Variants in EML6 observed in about 807,000 individuals in gnomAD.
EML6 encodes echinoderm microtubule-associated protein-like 6.
Under a neutral mutation model 240.1 loss-of-function variants are expected in EML6, and 154 were observed. The ratio of observed to expected loss-of-function variants is 0.64; its 90% CI spans 0.56 to 0.73. The LOEUF (loss-of-function observed/expected upper bound fraction) is 0.73, where lower values mean the gene tolerates loss of function less well. EML6 is among the 30% of genes least tolerant of loss of function. The probability of loss-of-function intolerance (pLI) is 0.00; values close to 1 mark genes in which losing one functional copy is unlikely to be tolerated. For synonymous variants in EML6, 1,148 were observed against 899.0 expected (o/e 1.28, Z -4.95); for missense variants, 2,964 against 2,474.6 (o/e 1.20, Z -4.20).
chr2:54,928,203 A>G, intron 26 of EML6, 110 bp from the exon 27 acceptor site: 1 of 852,924 alleles, frequency 1.2e-6, no homozygotes, highest in Non-Finnish European at 1.9e-6. Context: ...AAATGTAGGA[A>G]ATTGCTGTTG....
At chr2:54,888,755 C>T (rs1469578121) in intron 17 of EML6, among the ~76,000 whole-genome samples, 2 of 152,144 alleles carry the variant, frequency 1.3e-5, no homozygotes, top group East Asian at 3.8e-4. Context: ...AGTTTGTTTA[C>T]CCATTCACCT....
At chr2:54,858,585 G>C (rs538089991) in intron 11 of EML6, among the ~76,000 whole-genome samples, 9 of 152,148 alleles carry the variant, frequency 5.9e-5, no homozygotes, top group Non-Finnish European at 1.3e-4. Context: ...AGGCAAGTTT[G>C]CTTTTGAGAC....
intron 2 of EML6, among the ~76,000 whole-genome samples, chr2:54,789,533 AAAAAAAAAAAAAAAAG>A: frequency 6.9e-6 from 1 of 144,056 alleles, no homozygotes; most frequent in African/African-American, 2.5e-5. Flanking sequence ...AAAAAAAAAA[AAAAAAAAAAAAAAAAG>A]AAAAAGAATG....
At chr2:54,930,226 T>C (rs928823943) in intron 28 of EML6, among the ~76,000 whole-genome samples, 2 of 152,214 alleles carry the variant, frequency 1.3e-5, no homozygotes, top group African/African-American at 4.8e-5. Flanking sequence ...CTGAGATTCA[T>C]GCTAGCCACC....
At position 54,933,293 on chromosome 2, in the gene EML6, C is replaced by T. The variant is rs567476729; in HGVS notation, c.4004+4542C>T. 7.5e-4 allele frequency among the ~76,000 whole-genome samples: 114 copies of T among 152,284 alleles called. No homozygotes were observed. In the Middle Eastern group the frequency reaches 0.017, roughly 23 times the overall value. ...CTCTTACCTTGGAAATAGTCACCTG[C>T]CACCATAGACTAGCAATGTAATCAC... is the stretch of plus-strand genomic sequence containing the variant. On this transcript the variant is annotated intron_variant, in intron 28 of 41. Coordinates refer to ENST00000356458, the MANE Select transcript of EML6 (RefSeq NM_001039753.4).
chr2:54,968,527 G>A, intron 40 of EML6, 141 bp from the exon 41 acceptor site: 2 of 674,476 alleles, frequency 3.0e-6, no homozygotes, highest in Non-Finnish European at 5.2e-6. Context: ...CCAAAGGCTG[G>A]CTAATAGATG....
chr2:54,829,244 T>G, intron 6 of EML6, 98 bp from the exon 7 acceptor site: 1 of 1,225,872 alleles, frequency 8.2e-7, no homozygotes, highest in Non-Finnish European at 1.1e-6. Context: ...TTTATTTTTG[T>G]TTTTGACTTG....
chr2:54,935,358 G>A lies in EML6; in HGVS notation c.4004+6607G>A, dbSNP rs371553555. ...TCTCCTTTAATTGTTCTTTCTAATG[G>A]AAAGTGGTGATTATCACAGAAAAGA... On this transcript the variant is annotated intron_variant, in intron 28 of 41. Coordinates refer to ENST00000356458, the MANE Select transcript of EML6 (RefSeq NM_001039753.4). Among the ~76,000 whole-genome samples, 5 of 152,170 alleles carry A rather than the reference G, an allele frequency of 3.3e-5. No individual in the cohort carries two copies. The East Asian group carries it at 5.8e-4, about 18-fold the overall frequency.
intron 5 of EML6, among the ~76,000 whole-genome samples, chr2:54,822,287 A>AG (rs1460914290): frequency 2.0e-5 from 3 of 152,202 alleles, no homozygotes; most frequent in African/African-American, 7.2e-5. Context: ...TTGCTGGTAG[A>AG]GAGGGGTAAG....
At chr2:54,851,131 A>T (rs1250631081) in intron 10 of EML6, among the ~76,000 whole-genome samples, 1 of 152,194 alleles carries the variant, frequency 6.6e-6, no homozygotes, top group African/African-American at 2.4e-5. Flanking sequence ...CAATGAGGCC[A>T]GGCATGGTGG....
In EML6 at chr2:54,960,314, C is replaced by T. The variant is rs954584390; in HGVS notation, c.4948C>T (p.Arg1650Cys). ...LETGQLVECV[R>C]SVCRGKGKIL... is the part of the protein sequence containing the mutation. The stretch of plus-strand genomic sequence containing the variant: ...GACCGGGCAGCTGGTGGAGTGTGTG[C>T]GCTCCGTGTGCCGTGGAAAAGTGAG... The change falls in exon 35 of 42, where the codon CGC becomes TGC. Residue 1650 changes from arginine to cysteine, a missense_variant. Coordinates refer to ENST00000356458, the MANE Select transcript of EML6 (RefSeq NM_001039753.4). 11 of 1,550,518 alleles carry T rather than the reference C, an allele frequency of 7.1e-6. No homozygotes were observed. The highest frequency in any genetic ancestry group is 4.9e-5 in the East Asian group (2 of 40,910).
chr2:54,924,768 G>A (rs1323531962), intron 26 of EML6, among the ~76,000 whole-genome samples: 2 of 151,984 alleles, frequency 1.3e-5, no homozygotes, highest in Non-Finnish European at 2.9e-5. Context: ...TCGCCGTGTT[G>A]GCCAGACTGG....
In EML6 at chr2:54,893,029, A is replaced by G. The variant is rs529085715; in HGVS notation, c.2742+373A>G. The stretch of plus-strand genomic sequence containing the variant: ...ATGGGCAGAGACCTGAAAGTACCAA[A>G]TGGTTACATTATTGTTCCAGACGTC... On this transcript the variant is annotated intron_variant, in intron 19 of 41. Transcript: ENST00000356458. Among the ~76,000 whole-genome samples, 3 of 152,270 alleles carry G rather than the reference A, an allele frequency of 2.0e-5. No individual in the cohort carries two copies. The South Asian group carries it at 6.2e-4, about 32-fold the overall frequency.
chr2:54,888,945 T>G (rs535915477), intron 17 of EML6, among the ~76,000 whole-genome samples: 1 of 152,328 alleles, frequency 6.6e-6, no homozygotes, highest in South Asian at 2.1e-4. Flanking sequence ...CAAACTGTCT[T>G]TCAAAATAGC....
At chr2:54,868,407 C>T (rs1167572253) in intron 14 of EML6, 1 of 152,116 alleles carries the variant, frequency 6.6e-6, no homozygotes, top group East Asian at 1.9e-4. Flanking sequence ...ATTTATATTA[C>T]TTACTGTTAG....
intron 17 of EML6, among the ~76,000 whole-genome samples, chr2:54,887,735 T>C (rs1573074932): frequency 1.3e-5 from 2 of 152,162 alleles, no homozygotes; most frequent in East Asian, 3.8e-4. Flanking sequence ...AGGTGTTCCA[T>C]TTTTTCCCTT....
chr2:54,926,888 C>T (rs1363739308), intron 26 of EML6, among the ~76,000 whole-genome samples: 7 of 152,140 alleles, frequency 4.6e-5, no homozygotes, highest in Non-Finnish European at 7.4e-5. Flanking sequence ...CATCTAGAAA[C>T]CCTGTGTCCC....
chr2:54,847,323 C>G (rs1558607068), intron 8 of EML6, among the ~76,000 whole-genome samples, 163 bp from the exon 9 acceptor site: 1 of 152,178 alleles, frequency 6.6e-6, no homozygotes, highest in Non-Finnish European at 1.5e-5. Flanking sequence ...CACTAAAACA[C>G]CTTTCCACAC....
chr2:54,853,853 G>A lies in EML6; in HGVS notation c.1655G>A (p.Arg552Lys). The part of the protein sequence containing the change: ...VKLFKFPCLK[R>K]GAKFRKYVGH... ...TTGTTTAAATTTCCTTGTCTCAAGA[G>A]AGGTAAGGCCAAAAGAGATGTTTCA... Residue 552 changes from arginine (R) to lysine (K), a missense_variant and splice_region_variant, in exon 11 of 42, where the codon AGA (arginine) becomes AAA (lysine). Physicochemically the swap from Arg to Lys is conservative, Grantham distance 26. Coordinates refer to ENST00000356458, the MANE Select transcript of EML6 (RefSeq NM_001039753.4). 6.5e-7 allele frequency: 1 copy of A among 1,547,538 alleles called. No individual in the cohort carries two copies. The highest frequency in any genetic ancestry group is 8.7e-7 in the Non-Finnish European group (1 of 1,143,544).
Sources: allele counts gnomAD v4.1 joint callset (sites outside exome capture counted in the v4.1 genomes callset), GRCh38; gene constraint gnomAD v4.1.1; transcripts MANE v1.5; gene names NCBI Gene and HGNC (gene_info 2026-07-23, HGNC 2026-07-21).